The following OCLN variants were observed in gnomAD, a reference collection of about 807,000 sequenced individuals.
The protein encoded by OCLN is phosphatase 1, regulatory subunit 115.
In OCLN, 21 loss-of-function variants were observed where a neutral mutation model predicts 47.9. The ratio of observed to expected loss-of-function variants is 0.44; its 90% confidence interval spans 0.31 to 0.63. OCLN has a LOEUF of 0.63. OCLN is among the 30% of genes least tolerant of loss of function. The pLI, the probability that OCLN is intolerant of heterozygous loss-of-function variation, is 0.08. For missense variants in OCLN, 360 were observed against 571.0 expected, an observed-to-expected ratio of 0.63 and a Z score of 3.77; for synonymous variants, 117 against 198.4, an observed-to-expected ratio of 0.59 and a Z score of 3.45.
At chr5:69,515,433 C>G (rs1451508562) in intron 4 of OCLN, among the ~76,000 whole-genome samples, 1 of 129,866 alleles carries the variant, frequency 7.7e-6, no homozygotes, top group Admixed American at 7.4e-5. Flanking sequence ...CCCTCCCAGA[C>G]GGGGCGGCTG....
chr5:69,508,299 T>A (rs185737644), intron 2 of OCLN, among the ~76,000 whole-genome samples: 1 of 152,246 alleles, frequency 6.6e-6, no homozygotes, highest in East Asian at 1.9e-4. Context: ...CACCTCAGAC[T>A]CTCCACTGTG....
At chr5:69,497,918 G>A (rs1768343717) in intron 1 of OCLN, among the ~76,000 whole-genome samples, 1 of 151,788 alleles carries the variant, frequency 6.6e-6, no homozygotes, top group Non-Finnish European at 1.5e-5. Context: ...GGATCACGAG[G>A]TCAGGAGATC....
chr5:69,516,576 C>T (rs1768978772), intron 4 of OCLN, among the ~76,000 whole-genome samples: 1 of 152,092 alleles, frequency 6.6e-6, no homozygotes, highest in Non-Finnish European at 1.5e-5. Flanking sequence ...CATGACAAAC[C>T]ACAGTGACTA....
chr5:69,506,018 T>C (rs1230046700), intron 2 of OCLN, among the ~76,000 whole-genome samples: 1 of 152,170 alleles, frequency 6.6e-6, no homozygotes. Context: ...CAAGCTCAGG[T>C]TGTGGCCTGT....
chr5:69,516,898 A>T (rs1274472876), intron 4 of OCLN, among the ~76,000 whole-genome samples: 1 of 152,018 alleles, frequency 6.6e-6, no homozygotes, highest in Non-Finnish European at 1.5e-5. Flanking sequence ...CTCTACAAAA[A>T]ATAAAAAAAA....
intron 4 of OCLN, among the ~76,000 whole-genome samples, chr5:69,523,036 T>C (rs538324580): frequency 1.3e-5 from 2 of 152,168 alleles, no homozygotes; most frequent in Non-Finnish European, 2.9e-5. Context: ...TGCAGCTAGT[T>C]GTCCCTATTG....
chr5:69,495,706 C>G (rs1190489558), intron 1 of OCLN, among the ~76,000 whole-genome samples: 1 of 151,538 alleles, frequency 6.6e-6, no homozygotes, highest in Non-Finnish European at 1.5e-5. Flanking sequence ...ATTCCAGATG[C>G]GGTGGAGATG....
intron 4 of OCLN, among the ~76,000 whole-genome samples, chr5:69,530,366 C>T (rs1008020508): frequency 3.3e-5 from 5 of 152,126 alleles, no homozygotes; most frequent in Admixed American, 3.3e-4. Context: ...CACCTGTTCA[C>T]TTTGTATTGC....
At chr5:69,524,496 A>G (rs1769224560) in intron 4 of OCLN, among the ~76,000 whole-genome samples, 1 of 152,168 alleles carries the variant, frequency 6.6e-6, no homozygotes, top group Admixed American at 6.5e-5. Context: ...ACCTGCATGT[A>G]GTGTCTTGGC....
At position 69,504,313 on chromosome 5, in the gene OCLN, A is replaced by G. The variant is rs755140710; in HGVS notation, c.50+19A>G. The G allele has an allele frequency of 7.5e-6, 11 of 1,474,334 alleles. No homozygotes were observed. The highest frequency in any genetic ancestry group is 1.0e-5 in the Non-Finnish European group (11 of 1,054,506). 91.3% of individuals were successfully genotyped at this position (1,474,334 alleles called of 1,614,324 possible). A position where few individuals can be genotyped will look rare whatever the true frequency, so the allele number is the denominator to read the frequency against. The stretch of plus-strand genomic sequence containing the variant: ...ATGAATTGTAAGTAAATAATTCTTT[A>G]GTTATTCTCTTTTAAAAAGTCTATC... On this transcript the variant is annotated intron_variant, in intron 2 of 8. Transcript: ENST00000396442.
At chr5:69,524,521 G>T (rs28558979) in intron 4 of OCLN, among the ~76,000 whole-genome samples, 132,462 of 152,204 alleles carry the variant, frequency 0.87, 57,842 homozygotes, top group African/African-American at 0.91. Flanking sequence ...GCCTTTTTAC[G>T]CAGAGTTAGG....
chr5:69,500,512 T>C (rs1768428076), intron 1 of OCLN, among the ~76,000 whole-genome samples: 1 of 151,846 alleles, frequency 6.6e-6, no homozygotes, highest in African/African-American at 2.4e-5. Flanking sequence ...GCAATTCTGC[T>C]ACCTCAGCCT....
At chr5:69,497,652 A>G in intron 1 of OCLN, among the ~76,000 whole-genome samples, 1 of 151,908 alleles carries the variant, frequency 6.6e-6, no homozygotes, top group Non-Finnish European at 1.5e-5. Flanking sequence ...AAGTGCTGGG[A>G]TTACAGGCGT....
intron 4 of OCLN, among the ~76,000 whole-genome samples, chr5:69,527,667 G>A (rs1769320072): frequency 6.6e-6 from 1 of 152,110 alleles, no homozygotes; most frequent in Non-Finnish European, 1.5e-5. Context: ...CCCTTGTCTG[G>A]CATGGCCTTA....
chr5:69,533,060 TATATATATACAC>T (rs1263053992), intron 4 of OCLN, among the ~76,000 whole-genome samples: 2 of 143,358 alleles, frequency 1.4e-5, no homozygotes, highest in African/African-American at 5.6e-5. Context: ...CATATATACA[TATATATATACAC>T]ACACATATAT....
intron 4 of OCLN, among the ~76,000 whole-genome samples, chr5:69,518,710 G>T (rs144748703): frequency 3.5e-4 from 54 of 152,250 alleles, no homozygotes; most frequent in African/African-American, 1.3e-3. Context: ...TTGGTCATGA[G>T]AAATTAATAT....
chr5:69,549,340 C>CAA (rs1172698181), intron 7 of OCLN, among the ~76,000 whole-genome samples: 483 of 51,362 alleles, frequency 9.4e-3, no homozygotes, highest in African/African-American at 0.012. Flanking sequence ...GACTCCATCT[C>CAA]AAAAAAAAAA....
chr5:69,520,325 G>C (rs1261934813), intron 4 of OCLN, among the ~76,000 whole-genome samples: 2 of 145,232 alleles, frequency 1.4e-5, no homozygotes, highest in African/African-American at 5.1e-5. Flanking sequence ...TTTTGAGATG[G>C]AGTCTTGCTC....
chr5:69,510,055 C>T (rs1387968317), intron 3 of OCLN, among the ~76,000 whole-genome samples: 3 of 152,194 alleles, frequency 2.0e-5, no homozygotes, highest in African/African-American at 7.2e-5. Context: ...GTGCCACCAT[C>T]ACCACAATCA....
Sources: gnomAD v4.1 joint callset for allele counts (sites outside exome capture counted in the v4.1 genomes callset) on GRCh38, gnomAD v4.1.1 for gene constraint, MANE v1.5 for transcripts, NCBI Gene and HGNC (gene_info 2026-07-23, HGNC 2026-07-21) for gene names.